EPRS1: variants seen among roughly 807,000 people sequenced by gnomAD.
The protein encoded by EPRS1 is glutamyl-prolyl-tRNA synthetase 1.
A neutral mutation model predicts 188.3 loss-of-function variants in EPRS1; 107 were observed. That is an observed-to-expected ratio of 0.57 (90% CI 0.49 to 0.67). The LOEUF (loss-of-function observed/expected upper bound fraction) is 0.67, where lower values mean the gene tolerates loss of function less well. EPRS1 is among the 30% of genes least tolerant of loss of function. The pLI, the probability that EPRS1 is intolerant of heterozygous loss-of-function variation, is 0.00. For missense variants in EPRS1, 1,577 were observed against 1,802.2 expected (o/e 0.88, Z 2.26); for synonymous variants, 596 against 593.1 (o/e 1.00, Z -0.07).
At chr1:220,041,686 C>G (rs1217328299) in intron 1 of EPRS1, among the ~76,000 whole-genome samples, 1 of 151,924 alleles carries the variant, frequency 6.6e-6, no homozygotes, top group Admixed American at 6.6e-5. Context: ...ACTAAAAATA[C>G]AAAATTAGCC....
In EPRS1 at chr1:220,005,318, T is replaced by A; in HGVS notation, c.1993A>T (p.Lys665Ter). The A allele has an allele frequency of 6.2e-7, 1 of 1,601,408 alleles. No individual in the cohort carries two copies. Among genetic ancestry groups the A allele is most frequent in the Non-Finnish European group, 8.5e-7 (1 of 1,173,500 alleles). The change falls in exon 16 of 32, where the codon AAA becomes TAA. Residue 665 changes from lysine (K) to a stop codon, truncating the protein, a stop_gained. Coordinates refer to ENST00000366923, the MANE Select transcript of EPRS1 (RefSeq NM_004446.3). LOFTEE classifies it high-confidence loss of function. Reference sequence around the variant, plus strand: ...TGGAGTTGTATAATATCTCCTTTTTTCAAATCCTTAAGGCAGGGATCCCCT... The same window carrying A: ...TGGAGTTGTATAATATCTCCTTTTTACAAATCCTTAAGGCAGGGATCCCCT... The part of the protein sequence containing the change: ...MLGDPCLKDL[K>*]KGDIIQLQRR...
chr1:219,972,803 A>AT (rs748540365), intron 29 of EPRS1, among the ~76,000 whole-genome samples: 2 of 152,186 alleles, frequency 1.3e-5, no homozygotes, highest in African/African-American at 2.4e-5. Flanking sequence ...AGCCTTGGCT[A>AT]TATTATAATC....
intron 18 of EPRS1, among the ~76,000 whole-genome samples, chr1:219,996,279 C>G (rs546738725): frequency 6.6e-6 from 1 of 152,268 alleles, no homozygotes; most frequent in East Asian, 1.9e-4. Flanking sequence ...TTTGAAGGCT[C>G]TGCTATGAAA....
At chr1:220,045,943 A>G (rs1662392813) in intron 1 of EPRS1, among the ~76,000 whole-genome samples, 1 of 152,210 alleles carries the variant, frequency 6.6e-6, no homozygotes, top group Non-Finnish European at 1.5e-5. Flanking sequence ...GTTGGGGGAA[A>G]AATGCTAAAA....
At chr1:219,995,875 C>T (rs1661221811) in intron 18 of EPRS1, among the ~76,000 whole-genome samples, 2 of 152,146 alleles carry the variant, frequency 1.3e-5, no homozygotes. Flanking sequence ...CAGCCTGAGC[C>T]TAGGACCCTG....
intron 2 of EPRS1, among the ~76,000 whole-genome samples, chr1:220,039,292 G>C (rs1350066383): frequency 1.3e-5 from 2 of 152,140 alleles, no homozygotes; most frequent in Non-Finnish European, 2.9e-5. Flanking sequence ...ATTTCTGGGA[G>C]TAGGCCAGTC....
At position 220,030,368 on chromosome 1, in the gene EPRS1, T is replaced by A. The variant is rs1662061284; in HGVS notation, c.623+18A>T. The A allele has an allele frequency of 4.6e-6, 7 of 1,518,664 alleles. No individual in the cohort carries two copies. The highest frequency in any genetic ancestry group is 5.5e-6 in the Non-Finnish European group (6 of 1,093,266). The allele number at this position is 1,518,664 out of a possible 1,614,324, so 94.1% of individuals were successfully genotyped here. ...CACTAAATATATTCAATTATAAATG[T>A]GAGTTACATTTTCTTACCCACTGGC... On this transcript the variant is annotated intron_variant, in intron 6 of 31. Coordinates refer to ENST00000366923, the MANE Select transcript of EPRS1 (RefSeq NM_004446.3).
intron 18 of EPRS1, among the ~76,000 whole-genome samples, chr1:219,995,363 T>C (rs778970904): frequency 1.4e-4 from 22 of 152,266 alleles, no homozygotes; most frequent in Middle Eastern, 3.4e-3. Context: ...TGACCAAAAA[T>C]TGGCACAGAA....
At chr1:219,970,377 T>C (rs1180276153) in intron 30 of EPRS1, among the ~76,000 whole-genome samples, 1 of 151,858 alleles carries the variant, frequency 6.6e-6, no homozygotes, top group Non-Finnish European at 1.5e-5. Flanking sequence ...TCCAGCTTCT[T>C]CAGCAGCTTC....
At position 220,025,159 on chromosome 1, in the gene EPRS1, A is replaced by G; in HGVS notation, c.723T>C (p.Pro241=). 6.2e-7 allele frequency: 1 copy of G among 1,613,126 alleles called. No individual in the cohort carries two copies. The highest frequency in any genetic ancestry group is 8.5e-7 in the Non-Finnish European group (1 of 1,179,286). Residue 241 remains proline, a synonymous_variant, in exon 7 of 32, where the codon CCT becomes CCC. Transcript: ENST00000366923. ...TCTCAAAATCTTCCTTTTCTTTTTC[A>G]GGATTTGTGTCATCAAATCTCATGA... is the stretch of plus-strand genomic sequence containing the variant. ...KLIMRFDDTN[P]EKEKEDFEKV...
chr1:220,041,044 A>G (rs1662284711), intron 1 of EPRS1, among the ~76,000 whole-genome samples: 1 of 151,822 alleles, frequency 6.6e-6, no homozygotes, highest in Admixed American at 6.6e-5. Flanking sequence ...CTGTAGAGTT[A>G]GATTCAAAGG....
At position 219,988,681 on chromosome 1, in the gene EPRS1, C is replaced by T. The variant is rs1661060133; in HGVS notation, c.2684G>A (p.Gly895Asp). The change falls in exon 19 of 32, where the codon GGT becomes GAT. Residue 895 changes from glycine (G) to aspartate (D), a missense_variant. Gly to Asp is a moderately conservative substitution (Grantham distance 94, BLOSUM62 -1). Coordinates refer to ENST00000366923, the MANE Select transcript of EPRS1 (RefSeq NM_004446.3). ...SSPTRNSEPA[G>D]LETPEAKVLF... ...TACTTTCGCTTCTGGTGTTTCTAAA[C>T]CAGCAGGTTCAGAATTTCTGGTTGG... The T allele has an allele frequency of 6.2e-7, 1 of 1,613,990 alleles. No individual in the cohort carries two copies. Among genetic ancestry groups the T allele is most frequent in the Non-Finnish European group, 8.5e-7 (1 of 1,179,894 alleles).
Position 219,968,756 on chromosome 1 carries a change from C to T in EPRS1, c.*50G>A, listed in dbSNP as rs1312131089. On this transcript the variant is annotated 3_prime_UTR_variant, in exon 32 of 32. Transcript: ENST00000366923. The stretch of plus-strand genomic sequence containing the variant: ...TCTGTATCTGAGAAGATACTAATAT[C>T]AATGCTTTAAAAAGTGAGAGGAGTT... 1 of 1,572,306 alleles carries T rather than the reference C, an allele frequency of 6.4e-7. No homozygotes were observed. The highest frequency in any genetic ancestry group is 1.4e-5 in the African/African-American group (1 of 74,012).
intron 18 of EPRS1, among the ~76,000 whole-genome samples, chr1:219,993,559 G>C (rs1477395907): frequency 6.6e-6 from 1 of 152,234 alleles, no homozygotes; most frequent in Admixed American, 6.5e-5. Context: ...GAAAAGTCTA[G>C]TTGAAGCTGG....
intron 29 of EPRS1, among the ~76,000 whole-genome samples, chr1:219,972,451 G>C (rs1163601734): frequency 6.6e-6 from 1 of 152,072 alleles, no homozygotes; most frequent in East Asian, 1.9e-4. Context: ...TTACCTATGG[G>C]AGTCTATGTT....
rs184050333 is a variant in EPRS1 at position 219,984,342 on chromosome 1, T to C, written c.3039-85A>G. 5.9e-5 allele frequency: 53 copies of C among 890,954 alleles called. No homozygotes were observed. In the African/African-American group the frequency reaches 6.0e-4, roughly 10 times the overall value. 55.2% of individuals were successfully genotyped at this position (890,954 alleles called of 1,614,324 possible). On this transcript the variant is annotated intron_variant, in intron 20 of 31. Transcript: ENST00000366923. ...AAAAATAAACCTCTAAAGTTCAAAA[T>C]AGATTAGTCTTTCTTCAGTATGAGT...
At chr1:219,980,895 A>G (rs1378410192) in intron 24 of EPRS1, 38 bp from the exon 25 acceptor site, 2 of 1,431,208 alleles carry the variant, frequency 1.4e-6, no homozygotes, top group Non-Finnish European at 1.9e-6. Context: ...CATTATAAAG[A>G]GCTTTTCAAT....
chr1:220,009,361 T>C (rs1424704584), intron 13 of EPRS1, among the ~76,000 whole-genome samples: 3 of 152,356 alleles, frequency 2.0e-5, no homozygotes, highest in Middle Eastern at 3.4e-3. Context: ...GCTACTAGTA[T>C]ATGCGTTAGT....
chr1:220,001,807 T>C (rs565145173), intron 16 of EPRS1, among the ~76,000 whole-genome samples: 57 of 152,200 alleles, frequency 3.7e-4, no homozygotes, highest in African/African-American at 1.2e-3. Context: ...GGCGGGTGGA[T>C]TGCCTGAGTT....
Sources: allele counts gnomAD v4.1 joint callset (sites outside exome capture counted in the v4.1 genomes callset), GRCh38; gene constraint gnomAD v4.1.1; transcripts MANE v1.5; gene names NCBI Gene and HGNC (gene_info 2026-07-23, HGNC 2026-07-21).